TRAF2: variants seen among roughly 807,000 people sequenced by gnomAD.
TRAF2 encodes TNF receptor-associated factor 2.
Under a neutral mutation model 55.6 loss-of-function variants are expected in TRAF2, and 6 were observed. The ratio of observed to expected loss-of-function variants is 0.11; its 90% CI spans 0.06 to 0.21. TRAF2 has a LOEUF of 0.21. TRAF2 is among the 10% of genes least tolerant of loss of function. The probability of loss-of-function intolerance (pLI) is 1.00; values close to 1 mark genes in which losing one functional copy is unlikely to be tolerated. For synonymous variants in TRAF2, 329 were observed against 276.3 expected (o/e 1.19, Z -1.89); for missense variants, 561 against 684.5 (o/e 0.82, Z 2.01).
chr9:136,921,150 T>G lies in TRAF2; in HGVS notation c.1073T>G (p.Ile358Ser). ...TACGATGGGGTCTTCATCTGGAAGA[T>G]CTCAGACTTCGCCAGGAAGCGCCAG... ...STYDGVFIWKISDFARKRQEA... is the reference protein window; with the variant it reads ...STYDGVFIWKSSDFARKRQEA... Residue 358 changes from isoleucine (I) to serine (S), a missense_variant, in exon 9 of 11, where the codon ATC becomes AGC. By Grantham distance (142) the Ile-to-Ser change is moderately radical (BLOSUM62 -2). This residue lies in a region of TRAF2 where 135 missense variants were observed against 207.7 expected (regional missense o/e 0.65). Transcript: ENST00000247668. The G allele has an allele frequency of 6.2e-7, 1 of 1,613,998 alleles. No individual in the cohort carries two copies. The highest frequency in any genetic ancestry group is 8.5e-7 in the Non-Finnish European group (1 of 1,180,014).
intron 10 of TRAF2, among the ~76,000 whole-genome samples, chr9:136,924,810 G>A (rs556821208): frequency 6.6e-6 from 1 of 151,718 alleles, no homozygotes; most frequent in Non-Finnish European, 1.5e-5. Context: ...CATGATCTCG[G>A]CTCACTGCAA....
intron 6 of TRAF2, among the ~76,000 whole-genome samples, chr9:136,915,943 G>T (rs1044752422): frequency 2.6e-5 from 4 of 152,062 alleles, no homozygotes; most frequent in Non-Finnish European, 5.9e-5. Context: ...ACTCAGAGCC[G>T]CGACACACCT....
rs1293487517 is a variant in TRAF2 at position 136,926,351 on chromosome 9, G to A, written c.*450G>A. 2.9e-6 allele frequency: 1 copy of A among 346,278 alleles called. No individual in the cohort carries two copies. Among genetic ancestry groups the A allele is most frequent in the African/African-American group, 2.1e-5 (1 of 46,664 alleles). The allele number at this position is 346,278 out of a possible 1,614,324, so 21.5% of individuals were successfully genotyped here. A position where few individuals can be genotyped will look rare whatever the true frequency, so the allele number is the denominator to read the frequency against. ...CAGGAGAAGGGCCTCCTGCTGGCCA[G>A]AGCAAGGAAGGCTGAGCAGCTTGGT... On this transcript the variant is annotated 3_prime_UTR_variant, in exon 11 of 11. Transcript: ENST00000247668.
Position 136,923,834 on chromosome 9 carries a change from C to A in TRAF2, c.1139-18C>A, listed in dbSNP as rs1439584311. 2 of 1,611,444 alleles carry A rather than the reference C, an allele frequency of 1.2e-6. No individual in the cohort carries two copies. Among genetic ancestry groups the A allele is most frequent in the Non-Finnish European group, 1.7e-6 (2 of 1,178,780 alleles). On this transcript the variant is annotated intron_variant, in intron 9 of 10. Coordinates refer to ENST00000247668, the MANE Select transcript of TRAF2 (RefSeq NM_021138.4). ...TTGCTGAGTGTCAGCTCACCAGGCA[C>A]CCCTCCTGCCTCCCCAGCCTTCTAC...
intron 1 of TRAF2, among the ~76,000 whole-genome samples, chr9:136,891,180 C>G (rs1849573881): frequency 1.3e-5 from 2 of 152,188 alleles, no homozygotes; most frequent in Non-Finnish European, 2.9e-5. Context: ...ATGATCTCAG[C>G]TCACTGCAAC....
Position 136,926,014 on chromosome 9 carries a change from G to A in TRAF2, c.*113G>A, listed in dbSNP as rs1185974016. On this transcript the variant is annotated 3_prime_UTR_variant, in exon 11 of 11. Transcript: ENST00000247668. ...TACAAGTGGGCAGGGGCCGCGCTTG[G>A]GCGCTTGGGAGGGTGTCGGCCTGCA... The A allele has an allele frequency of 7.4e-7, 1 of 1,346,712 alleles. No homozygotes were observed. Among genetic ancestry groups the A allele is most frequent in the South Asian group, 1.2e-5 (1 of 84,110 alleles). The allele number at this position is 1,346,712 out of a possible 1,614,324, so 83.4% of individuals were successfully genotyped here.
At chr9:136,904,260 G>C (rs1173693968) in intron 4 of TRAF2, among the ~76,000 whole-genome samples, 2 of 152,180 alleles carry the variant, frequency 1.3e-5, no homozygotes, top group African/African-American at 4.8e-5. Context: ...CTAGCGTGTA[G>C]TGGTGGGATC....
chr9:136,899,534 GTGTT>G, intron 2 of TRAF2, 56 bp from the exon 3 acceptor site: 1 of 1,515,042 alleles, frequency 6.6e-7, no homozygotes, highest in South Asian at 1.2e-5. Flanking sequence ...GAAGCAAATG[GTGTT>G]TGTTTTTTGC....
chr9:136,895,708 C>T lies in TRAF2; in HGVS notation c.-28-3005C>T, dbSNP rs1849665238. ...CTGAAAAATACAAAAAATTAGCCAC[C>T]TGTGGTGGCGGGTACCTGTGGTCCC... On this transcript the variant is annotated intron_variant, in intron 1 of 10. Transcript: ENST00000247668. Among the ~76,000 whole-genome samples, 4 of 152,196 alleles carry T rather than the reference C, an allele frequency of 2.6e-5. No homozygotes were observed. In the Middle Eastern group the frequency reaches 0.01, roughly 388 times the overall value.
At chr9:136,918,309 G>A (rs772381876) in intron 7 of TRAF2, among the ~76,000 whole-genome samples, 10 of 143,040 alleles carry the variant, frequency 7.0e-5, no homozygotes, top group South Asian at 4.5e-4. Context: ...TTGCTTTGTC[G>A]CCCAGGCTGG....
intron 1 of TRAF2, among the ~76,000 whole-genome samples, chr9:136,889,318 T>C (rs1233440549): frequency 6.6e-6 from 1 of 151,116 alleles, no homozygotes; most frequent in Non-Finnish European, 1.5e-5. Context: ...AGTTTCGCTC[T>C]TGTTGCCCAG....
At chr9:136,896,274 G>C (rs973798446) in intron 1 of TRAF2, among the ~76,000 whole-genome samples, 1 of 152,248 alleles carries the variant, frequency 6.6e-6, no homozygotes, top group Admixed American at 6.5e-5. Flanking sequence ...GGAAGGAGGA[G>C]CATGGCAGGC....
intron 4 of TRAF2, among the ~76,000 whole-genome samples, chr9:136,906,019 G>A (rs1174719540): frequency 6.6e-6 from 1 of 152,124 alleles, no homozygotes; most frequent in Non-Finnish European, 1.5e-5. Flanking sequence ...GCAGAAGAAT[G>A]GCGTGAACCC....
chr9:136,912,849 A>C (rs905276699), intron 6 of TRAF2, among the ~76,000 whole-genome samples: 4 of 151,956 alleles, frequency 2.6e-5, no homozygotes, highest in Admixed American at 2.6e-4. Flanking sequence ...AAAACAAGTC[A>C]AGGCCAGTTG....
In TRAF2 at chr9:136,903,308, A is replaced by G. The variant is rs17250260; in HGVS notation, c.366+2788A>G. 1.3e-3 allele frequency among the ~76,000 whole-genome samples: 192 copies of G among 152,332 alleles called. 1 individual carries two copies. Among genetic ancestry groups the G allele is most frequent in the African/African-American group, 4.2e-3 (174 of 41,568 alleles). On this transcript the variant is annotated intron_variant, in intron 4 of 10. Transcript: ENST00000247668. Reference sequence around the variant, plus strand: ...TTGATGGAGTGCTTGCTGAGTGCCAATAGCAGAACTGAATTCCCCAGTGGG... The same window carrying G: ...TTGATGGAGTGCTTGCTGAGTGCCAGTAGCAGAACTGAATTCCCCAGTGGG...
At chr9:136,888,489 A>G (rs1434007240) in intron 1 of TRAF2, among the ~76,000 whole-genome samples, 2 of 152,156 alleles carry the variant, frequency 1.3e-5, no homozygotes, top group Admixed American at 6.6e-5. Flanking sequence ...TGTATGAAGC[A>G]GTTGTGTGCT....
At chr9:136,900,557 C>T (rs1849795282) in intron 4 of TRAF2, 37 bp downstream of exon 4, 4 of 1,579,816 alleles carry the variant, frequency 2.5e-6, no homozygotes, top group Non-Finnish European at 3.5e-6. Context: ...GACAGAAGCT[C>T]CAGCAGTCGG....
chr9:136,904,863 G>A (rs7868124), intron 4 of TRAF2, among the ~76,000 whole-genome samples: 114,696 of 152,076 alleles, frequency 0.75, 43,446 homozygotes, highest in East Asian at 0.87. Context: ...GTCCTGTCCC[G>A]TCAGTGGGTA....
At chr9:136,922,837 GTGGTGGAGGA>G (rs1202789195) in intron 9 of TRAF2, among the ~76,000 whole-genome samples, 39 of 129,926 alleles carry the variant, frequency 3.0e-4, no homozygotes, top group Admixed American at 9.2e-4. Flanking sequence ...CTGGGGGCAC[GTGGTGGAGGA>G]CGAGGATGGG....
Sources: allele counts gnomAD v4.1 joint callset (sites outside exome capture counted in the v4.1 genomes callset), GRCh38; gene constraint gnomAD v4.1.1; regional missense constraint gnomAD v4.1.1; transcripts MANE v1.5; gene names NCBI Gene and HGNC (gene_info 2026-07-23, HGNC 2026-07-21).